PARP15: variants seen among roughly 807,000 people sequenced by gnomAD.
PARP15 encodes the protein poly(ADP-ribose) polymerase family member 15.
Under a neutral mutation model 62.1 loss-of-function variants are expected in PARP15, and 50 were observed. The ratio of observed to expected loss-of-function variants is 0.81; its 90% CI spans 0.64 to 1.02. The LOEUF (loss-of-function observed/expected upper bound fraction) is 1.02. Among genes scored for constraint, PARP15 ranks in the 50% least tolerant of loss-of-function variants. The pLI, the probability that PARP15 is intolerant of heterozygous loss-of-function variation, is 0.00. For synonymous variants in PARP15, 309 were observed against 293.1 expected (o/e 1.05, Z -0.55); for missense variants, 820 against 826.5 (o/e 0.99, Z 0.10).
At position 122,635,844 on chromosome 3, in the gene PARP15, T is replaced by C; in HGVS notation, c.1781T>C (p.Val594Ala). 1 of 1,614,024 alleles carries C rather than the reference T, an allele frequency of 6.2e-7. No homozygotes were observed. Among genetic ancestry groups the C allele is most frequent in the Non-Finnish European group, 8.5e-7 (1 of 1,179,938 alleles). Residue 594 changes from valine to alanine, a missense_variant, in exon 12 of 12, where the codon GTG (valine) becomes GCG (alanine). This residue lies in a region of PARP15 where 731 missense variants were observed against 727.7 expected (regional missense o/e 1.00). Coordinates refer to ENST00000464300, the MANE Select transcript of PARP15 (RefSeq NM_001113523.3). ...TATGGAAAAGGAACCTATTTTGCTGTGGATGCCAGTTATTCTGCCAAGGAC... is the reference window on the plus strand; with the variant it reads ...TATGGAAAAGGAACCTATTTTGCTGCGGATGCCAGTTATTCTGCCAAGGAC... ...VSYGKGTYFA[V>A]DASYSAKDTY... is the part of the protein sequence containing the mutation.
chr3:122,634,809 C>G (rs751521838), intron 10 of PARP15, among the ~76,000 whole-genome samples: 1 of 152,206 alleles, frequency 6.6e-6, no homozygotes, highest in Non-Finnish European at 1.5e-5. Context: ...AGCATAGACA[C>G]TAATAGATAC....
At chr3:122,583,055 T>C (rs535109766) in intron 1 of PARP15, among the ~76,000 whole-genome samples, 147 of 151,378 alleles carry the variant, frequency 9.7e-4, no homozygotes, top group African/African-American at 3.5e-3. Context: ...CTTGGAAGTA[T>C]GAAATACCAT....
intron 10 of PARP15, among the ~76,000 whole-genome samples, chr3:122,634,467 A>C (rs1448593561): frequency 6.6e-6 from 1 of 152,214 alleles, no homozygotes; most frequent in Non-Finnish European, 1.5e-5. Flanking sequence ...AAGAAGTGAA[A>C]GAAGAGCAGA....
At chr3:122,630,623 G>A (rs1280309285) in intron 9 of PARP15, among the ~76,000 whole-genome samples, 10 of 152,108 alleles carry the variant, frequency 6.6e-5, no homozygotes, top group Admixed American at 6.5e-4. Flanking sequence ...AGGCTGCAGT[G>A]ATCCATGATT....
rs771130270 is a variant in PARP15, at chr3:122,619,775, A to AT, written c.1001-3dup. ...ATGCCTTTTACCATTAACATGTCTT[A>AT]TTTAGGTGTGTCAAGAGCTATTTTA... On this transcript the variant is annotated splice_polypyrimidine_tract_variant and splice_region_variant and intron_variant, in intron 6 of 11. Coordinates refer to ENST00000464300, the MANE Select transcript of PARP15 (RefSeq NM_001113523.3). 2.5e-6 allele frequency: 4 copies of AT among 1,607,540 alleles called. No homozygotes were observed. In the South Asian group the frequency reaches 4.4e-5, roughly 18 times the overall value.
chr3:122,577,770 C>G lies in PARP15; in HGVS notation c.103C>G (p.Arg35Gly). 1 of 1,551,612 alleles carries G rather than the reference C, an allele frequency of 6.4e-7. No homozygotes were observed. Among genetic ancestry groups the G allele is most frequent in the Admixed American group, 2.0e-5 (1 of 50,988 alleles). The part of the protein sequence containing the change: ...GVAGVTSRAG[R>G]DREAGSVLPA... The stretch of plus-strand genomic sequence containing the variant: ...TGCAGGTGTTACTTCCAGAGCCGGA[C>G]GAGATCGGGAGGCGGGGAGCGTGCT... The change falls in exon 1 of 12, where the codon CGA (arginine) becomes GGA (glycine). Residue 35 changes from arginine (R) to glycine (G), a missense_variant. Arg to Gly is a moderately radical substitution (Grantham distance 125). Around this residue, in one of 3 missense-constraint regions of PARP15, gnomAD observed 731 missense variants for 727.7 expected, o/e 1.00. Coordinates refer to ENST00000464300, the MANE Select transcript of PARP15 (RefSeq NM_001113523.3).
chr3:122,584,877 C>A (rs184796316), intron 1 of PARP15, among the ~76,000 whole-genome samples: 7 of 152,232 alleles, frequency 4.6e-5, no homozygotes, highest in Admixed American at 2.0e-4. Context: ...CACGCCGGGC[C>A]CATTTCCATT....
At chr3:122,577,945 C>G in intron 1 of PARP15, 92 bp downstream of exon 1, 1 of 1,342,394 alleles carries the variant, frequency 7.4e-7, no homozygotes, top group Non-Finnish European at 9.9e-7. Context: ...CGCAGAGACC[C>G]CACGCCACGC....
intron 1 of PARP15, among the ~76,000 whole-genome samples, chr3:122,584,210 C>T (rs1933222802): frequency 6.6e-6 from 1 of 152,104 alleles, no homozygotes. Flanking sequence ...CTCATATTTG[C>T]CTAAGTAGAA....
chr3:122,613,996 C>G (rs1195882918), intron 4 of PARP15, among the ~76,000 whole-genome samples: 1 of 151,894 alleles, frequency 6.6e-6, no homozygotes, highest in African/African-American at 2.4e-5. Context: ...CAGGCATGTG[C>G]TACCACGCTC....
intron 1 of PARP15, among the ~76,000 whole-genome samples, chr3:122,595,724 G>T (rs76441409): frequency 6.6e-6 from 1 of 152,050 alleles, no homozygotes; most frequent in Non-Finnish European, 1.5e-5. Flanking sequence ...GTAGAGACAG[G>T]GTTTTGCCAC....
intron 7 of PARP15, among the ~76,000 whole-genome samples, chr3:122,620,982 G>A (rs924934874): frequency 1.3e-5 from 2 of 152,178 alleles, no homozygotes; most frequent in South Asian, 2.1e-4. Flanking sequence ...CACAGAGTAC[G>A]TTGCTTTTAT....
At chr3:122,609,221 G>T (rs953544534) in intron 2 of PARP15, among the ~76,000 whole-genome samples, 2 of 152,074 alleles carry the variant, frequency 1.3e-5, no homozygotes, top group African/African-American at 4.8e-5. Flanking sequence ...TCTGCAAGGG[G>T]CTTCTCAGAT....
At chr3:122,610,828 A>G (rs985739357) in intron 3 of PARP15, 98 bp downstream of exon 3, 2 of 1,036,962 alleles carry the variant, frequency 1.9e-6, no homozygotes, top group African/African-American at 3.3e-5. Context: ...ATTTTGCCCC[A>G]CAGAGGACAG....
intron 8 of PARP15, among the ~76,000 whole-genome samples, chr3:122,622,779 C>T (rs1374249168): frequency 1.3e-5 from 2 of 152,206 alleles, no homozygotes; most frequent in African/African-American, 2.4e-5. Context: ...ACTGGTCACT[C>T]ACTTCCTGAT....
intron 9 of PARP15, among the ~76,000 whole-genome samples, chr3:122,629,092 A>C (rs1936908402): frequency 6.6e-6 from 1 of 152,196 alleles, no homozygotes; most frequent in Non-Finnish European, 1.5e-5. Context: ...CTTAAGTGTG[A>C]TTGGCTTAAG....
intron 9 of PARP15, among the ~76,000 whole-genome samples, chr3:122,631,879 G>A (rs192990957): frequency 1.3e-5 from 2 of 152,286 alleles, no homozygotes; most frequent in Admixed American, 6.5e-5. Flanking sequence ...GAGCATTAAT[G>A]AATATATTGT....
intron 8 of PARP15, among the ~76,000 whole-genome samples, chr3:122,623,881 C>T (rs767468059): frequency 1.2e-4 from 19 of 152,288 alleles, no homozygotes; most frequent in Admixed American, 3.9e-4. Context: ...CAGGGGCTCA[C>T]GCCTGTAATC....
At position 122,638,554 on chromosome 3, in the gene PARP15, T is replaced by G. The variant is rs1459956533; in HGVS notation, c.*2454T>G. ...TTTGCATTTCTCTGATGGCCAGTGA[T>G]GATGAGCATTTTTTCATGTGTTTTT... is the stretch of plus-strand genomic sequence containing the variant. On this transcript the variant is annotated 3_prime_UTR_variant, in exon 12 of 12. Transcript: ENST00000464300. The G allele has an allele frequency of 6.6e-6, 1 of 152,254 alleles. No homozygotes were observed. The highest frequency in any genetic ancestry group is 1.9e-4 in the East Asian group (1 of 5,200). The allele number at this position is 152,254 out of a possible 1,614,324, so 9.4% of individuals were successfully genotyped here.
Sources: allele counts gnomAD v4.1 joint callset (sites outside exome capture counted in the v4.1 genomes callset), GRCh38; gene constraint gnomAD v4.1.1; regional missense constraint gnomAD v4.1.1; transcripts MANE v1.5; gene names NCBI Gene and HGNC (gene_info 2026-07-23, HGNC 2026-07-21).